TLE2: variants seen among roughly 807,000 people sequenced by gnomAD.
TLE2 encodes transducin-like enhancer protein 2.
Under a neutral mutation model 97.2 loss-of-function variants are expected in TLE2, and 74 were observed. The observed-to-expected ratio is 0.76, with a 90% CI of 0.63 to 0.92. The LOEUF (loss-of-function observed/expected upper bound fraction) is 0.92. Ranked by LOEUF, TLE2 falls within the 40% of genes least tolerant of loss-of-function variation. The pLI is 0.00. For missense variants in TLE2, 1,038 were observed against 1,008.7 expected (o/e 1.03, Z -0.39); for synonymous variants, 499 against 432.1 (o/e 1.15, Z -1.92).
At position 3,005,443 on chromosome 19, in the gene TLE2, G is replaced by A. The variant is rs532065810; in HGVS notation, c.1890C>T (p.Ser630=). 1 of 1,613,824 alleles carries A rather than the reference G, an allele frequency of 6.2e-7. No homozygotes were observed. The highest frequency in any genetic ancestry group is 2.2e-5 in the East Asian group (1 of 44,890). Residue 630 remains serine, a synonymous_variant, in exon 17 of 20, where the codon AGC becomes AGT. Coordinates refer to ENST00000262953, the MANE Select transcript of TLE2 (RefSeq NM_003260.5). The part of the protein sequence containing the change: ...EGRQLQQHDF[S]SQIFSLGHCP... ...TGCCAGAACCGAACAGCACCTGGGA[G>A]CTGAAGTCATGCTGCTGCAGCTGGC...
At chr19:2,998,435 G>A (rs1050750470) in intron 19 of TLE2, among the ~76,000 whole-genome samples, 3 of 151,692 alleles carry the variant, frequency 2.0e-5, no homozygotes, top group African/African-American at 4.8e-5. Flanking sequence ...ATGCCACCAT[G>A]CCTGGCTAAT....
At chr19:3,037,177 C>G (rs537454025) in intron 1 of TLE2, among the ~76,000 whole-genome samples, 20 of 152,224 alleles carry the variant, frequency 1.3e-4, no homozygotes, top group African/African-American at 4.8e-4. Context: ...CCCAGCTACT[C>G]AGGAGACTGA....
At chr19:3,014,052 G>A (rs1478526993) in intron 10 of TLE2, among the ~76,000 whole-genome samples, 4 of 150,252 alleles carry the variant, frequency 2.7e-5, no homozygotes, top group African/African-American at 4.9e-5. Context: ...TGCAACCTCC[G>A]CCTCCTGGGT....
upstream of TLE2, among the ~76,000 whole-genome samples, chr19:3,030,232 T>G (rs1487157224): frequency 6.6e-6 from 1 of 152,196 alleles, no homozygotes; most frequent in Non-Finnish European, 1.5e-5. Context: ...CAGACTGGGT[T>G]TCTTGAAGGC....
At chr19:3,002,226 C>T in intron 18 of TLE2, 127 bp downstream of exon 18, 1 of 1,213,562 alleles carries the variant, frequency 8.2e-7, no homozygotes, top group Admixed American at 3.2e-5. Flanking sequence ...TAACGATTTG[C>T]TTTTGAGTAT....
At position 3,017,838 on chromosome 19, in the gene TLE2, A is replaced by C. The variant is rs1310388057; in HGVS notation, c.570+2T>G. 1 of 1,612,032 alleles carries C rather than the reference A, an allele frequency of 6.2e-7. No individual in the cohort carries two copies. The highest frequency in any genetic ancestry group is 8.5e-7 in the Non-Finnish European group (1 of 1,179,126). ...AAGAGTCCCAGGGTGCCACTCACTT[A>C]CCCTGCTCGGGGCTCTCTCCACTGA... On this transcript the variant is annotated splice_donor_variant, in intron 8 of 19. Transcript: ENST00000262953. LOFTEE classifies it high-confidence loss of function.
chr19:3,046,277 C>T (rs1267946163), upstream of TLE2, among the ~76,000 whole-genome samples: 1 of 152,250 alleles, frequency 6.6e-6, no homozygotes, highest in African/African-American at 2.4e-5. Flanking sequence ...ATTTTCTCCC[C>T]CAAGACTGCC....
rs1219237829 is a variant in TLE2 at position 3,020,021 on chromosome 19, G to A, written c.295-248C>T. ...AATCAGGCCGGGCATGGTGGCTCAC[G>A]CCTGGAATCCCAGCGCTTTGGAAGG... On this transcript the variant is annotated intron_variant, in intron 5 of 19. Transcript: ENST00000262953. The A allele has an allele frequency of 7.4e-6, 4 of 542,762 alleles. 1 individual carries two copies. The highest frequency in any genetic ancestry group is 4.6e-5 in the South Asian group (2 of 43,344). The allele number at this position is 542,762 out of a possible 1,614,324, so 33.6% of individuals were successfully genotyped here. A position where few individuals can be genotyped will look rare whatever the true frequency, so the allele number is the denominator to read the frequency against.
At chr19:3,002,139 C>T (rs967950352) in intron 18 of TLE2, among the ~76,000 whole-genome samples, 1 of 152,108 alleles carries the variant, frequency 6.6e-6, no homozygotes, top group African/African-American at 2.4e-5. Context: ...ATTTTTAGGA[C>T]AGGTATATCC....
chr19:3,046,577 C>A (rs56156232), upstream of TLE2, among the ~76,000 whole-genome samples: 1 of 151,448 alleles, frequency 6.6e-6, no homozygotes, highest in African/African-American at 2.4e-5. Context: ...AGACACCCCC[C>A]CACCCCCCAC....
In TLE2 at chr19:3,026,604, T is replaced by C. The variant is rs564622827; in HGVS notation, c.231+1225A>G. Among the ~76,000 whole-genome samples, 11 of 84,182 alleles carry C rather than the reference T, an allele frequency of 1.3e-4. No homozygotes were observed. The East Asian group carries it at 4.5e-3, about 35-fold the overall frequency. 55.2% of individuals were successfully genotyped at this position (84,182 alleles called of 152,430 possible). On this transcript the variant is annotated intron_variant, in intron 4 of 19. Transcript: ENST00000262953. ...TGAGGTCTATCTCTGAACCCTGAGG[T>C]CAATCTCAGAACCCTGAGGTCTATC...
In TLE2 at chr19:3,019,707, G is replaced by C; in HGVS notation, c.361C>G (p.Leu121Val). ...GGGCTAGAGAGACTCACCCCGATGA[G>C]GCTGTTCAGCTCCCCCACGGTGACC... ...KQVTVGELNSLIGQQLQPLSH... is the reference protein window; with the variant it reads ...KQVTVGELNSVIGQQLQPLSH... Residue 121 changes from leucine to valine, a missense_variant, in exon 6 of 20, where the codon CTC (leucine) becomes GTC (valine). Leu to Val is a conservative substitution (Grantham distance 32). Transcript: ENST00000262953. This position sits in a 1 kb window ranked among gnomAD's most constrained non-coding sequence, Gnocchi z 5.1. 2 of 1,610,960 alleles carry C rather than the reference G, an allele frequency of 1.2e-6. No individual in the cohort carries two copies. The highest frequency in any genetic ancestry group is 2.2e-5 in the South Asian group (2 of 90,420).
chr19:2,998,059 C>T (rs569273080), intron 19 of TLE2, 104 bp from the exon 20 acceptor site: 9 of 743,516 alleles, frequency 1.2e-5, no homozygotes, highest in South Asian at 3.1e-5. Flanking sequence ...GGTCAGGACT[C>T]GCCTACAGAG....
chr19:3,019,982 G>A lies in TLE2; in HGVS notation c.295-209C>T, dbSNP rs945966570. 1 of 681,864 alleles carries A rather than the reference G, an allele frequency of 1.5e-6. No homozygotes were observed. Among genetic ancestry groups the A allele is most frequent in the Non-Finnish European group, 2.4e-6 (1 of 412,550 alleles). The allele number at this position is 681,864 out of a possible 1,614,324, so 42.2% of individuals were successfully genotyped here. Reference sequence around the variant, plus strand: ...AGAAAGAAACCAAACCTAAGTGCAGGTAGAATAGTTACAAATCAGGCCGGG... The same window carrying A: ...AGAAAGAAACCAAACCTAAGTGCAGATAGAATAGTTACAAATCAGGCCGGG... On this transcript the variant is annotated intron_variant, in intron 5 of 19. Coordinates refer to ENST00000262953, the MANE Select transcript of TLE2 (RefSeq NM_003260.5). The surrounding 1 kb of genome is among the most constrained non-coding windows in gnomAD (Gnocchi z 5.1).
chr19:3,033,171 G>A (rs931910747), upstream of TLE2, among the ~76,000 whole-genome samples: 10 of 147,430 alleles, frequency 6.8e-5, no homozygotes, highest in African/African-American at 2.0e-4. Context: ...CACCAAGCCT[G>A]GCTAATTTTT....
intron 5 of TLE2, among the ~76,000 whole-genome samples, chr19:3,022,170 T>C (rs2089857170): frequency 6.6e-6 from 1 of 151,906 alleles, no homozygotes; most frequent in East Asian, 2.0e-4. Flanking sequence ...TGCCTCAGCC[T>C]CCCGAGTAGC....
Position 3,025,061 on chromosome 19 carries a change from T to C in TLE2, c.253A>G (p.Ser85Gly), listed in dbSNP as rs1224871291. Residue 85 changes from serine to glycine, a missense_variant, in exon 5 of 20, where the codon AGC becomes GGC. Coordinates refer to ENST00000262953, the MANE Select transcript of TLE2 (RefSeq NM_003260.5). ...GGGATAATCTGAGCGCAGATACCGC[T>C]CAGACGCTTCACAATCTCCGCCTGG... ...HKQAEIVKRLSGICAQIIPFL... is the reference protein window; with the variant it reads ...HKQAEIVKRLGGICAQIIPFL... 1 of 1,603,602 alleles carries C rather than the reference T, an allele frequency of 6.2e-7. No individual in the cohort carries two copies. The highest frequency in any genetic ancestry group is 8.5e-7 in the Non-Finnish European group (1 of 1,175,472).
chr19:2,998,039 A>C, intron 19 of TLE2, 84 bp from the exon 20 acceptor site: 1 of 914,820 alleles, frequency 1.1e-6, no homozygotes, highest in Non-Finnish European at 1.8e-6. Context: ...GGGCGGAGTC[A>C]GGAACGGGAG....
chr19:3,030,327 G>A (rs138187206), upstream of TLE2, among the ~76,000 whole-genome samples: 66 of 152,298 alleles, frequency 4.3e-4, no homozygotes, highest in East Asian at 1.9e-3. Context: ...CTCCAGCCCC[G>A]ACCAGAGACC....
Sources: gnomAD v4.1 joint callset for allele counts (sites outside exome capture counted in the v4.1 genomes callset) on GRCh38, gnomAD v4.1.1 for gene constraint, Gnocchi (gnomAD v3.1) non-coding constraint, MANE v1.5 for transcripts, NCBI Gene and HGNC (gene_info 2026-07-23, HGNC 2026-07-21) for gene names.